GABRG2: variants seen among roughly 807,000 people sequenced by gnomAD.
GABRG2 encodes gamma-aminobutyric acid type A receptor subunit gamma2, also known as gamma-aminobutyric acid receptor subunit gamma-2.
In GABRG2, 16 loss-of-function variants were observed where a neutral mutation model predicts 56.4. That is an observed-to-expected ratio of 0.28 (90% CI 0.19 to 0.43). The LOEUF is 0.43. Among genes scored for constraint, GABRG2 ranks in the 20% least tolerant of loss-of-function variants. GABRG2 has a pLI of 1.00. For synonymous variants in GABRG2, 208 were observed against 205.5 expected (o/e 1.01, Z -0.10); for missense variants, 327 against 582.7 (o/e 0.56, Z 4.52).
chr5:162,092,773 A>C (rs547864482), intron 1 of GABRG2, among the ~76,000 whole-genome samples: 1 of 152,266 alleles, frequency 6.6e-6, no homozygotes, highest in African/African-American at 2.4e-5. Context: ...TAGAAAAATA[A>C]GGTAAAGATG....
At chr5:162,112,714 A>G (rs2113430359) in intron 6 of GABRG2, among the ~76,000 whole-genome samples, 1 of 152,316 alleles carries the variant, frequency 6.6e-6, no homozygotes, top group Non-Finnish European at 1.5e-5. Context: ...GTGTTGCACA[A>G]CATTCTAGAA....
chr5:162,115,751 G>T (rs1762570847), intron 6 of GABRG2, among the ~76,000 whole-genome samples: 1 of 152,068 alleles, frequency 6.6e-6, no homozygotes, highest in African/African-American at 2.4e-5. Context: ...CTATTATTTT[G>T]TTTTTAATAT....
intron 6 of GABRG2, among the ~76,000 whole-genome samples, chr5:162,130,248 A>C (rs1466966285): frequency 6.6e-6 from 1 of 151,978 alleles, no homozygotes; most frequent in Non-Finnish European, 1.5e-5. Context: ...TTGAGAATAA[A>C]GAGCAAGTAA....
intron 3 of GABRG2, 57 bp downstream of exon 3, chr5:162,095,619 T>C: frequency 2.4e-6 from 3 of 1,267,012 alleles, no homozygotes; most frequent in African/African-American, 1.5e-5. Flanking sequence ...AGAGAAAATG[T>C]GATGTCATGG....
chr5:162,133,097 G>C (rs1763871829), intron 6 of GABRG2, among the ~76,000 whole-genome samples: 1 of 151,808 alleles, frequency 6.6e-6, no homozygotes, highest in Non-Finnish European at 1.5e-5. Context: ...ACAAGCATAA[G>C]ATTGGCTACT....
At chr5:162,117,851 A>G (rs973790393) in intron 6 of GABRG2, among the ~76,000 whole-genome samples, 6 of 152,148 alleles carry the variant, frequency 3.9e-5, no homozygotes, top group African/African-American at 1.2e-4. Flanking sequence ...ATATGCACAG[A>G]TAAGTAGTGT....
intron 1 of GABRG2, among the ~76,000 whole-genome samples, chr5:162,068,742 C>A (rs979522219): frequency 1.3e-5 from 2 of 152,038 alleles, no homozygotes; most frequent in South Asian, 4.1e-4. Context: ...CCTGATAGAA[C>A]GTCTCTAAAT....
intron 7 of GABRG2, 98 bp from the exon 8 acceptor site, chr5:162,149,010 C>A: frequency 9.5e-7 from 1 of 1,055,808 alleles, no homozygotes; most frequent in Non-Finnish European, 1.5e-6. Context: ...GCTGAAACTG[C>A]CCATCAGAAG....
At chr5:162,138,984 A>G (rs539603995) in intron 6 of GABRG2, among the ~76,000 whole-genome samples, 24 of 152,210 alleles carry the variant, frequency 1.6e-4, no homozygotes, top group African/African-American at 3.6e-4. Flanking sequence ...TTTTAAAACT[A>G]TCGTATGGTT....
chr5:162,104,932 C>T (rs970178884), intron 6 of GABRG2, among the ~76,000 whole-genome samples: 3 of 152,048 alleles, frequency 2.0e-5, no homozygotes, highest in African/African-American at 4.8e-5. Flanking sequence ...TGCTTATATC[C>T]TCTATGTAGA....
intron 7 of GABRG2, among the ~76,000 whole-genome samples, chr5:162,148,712 T>TA (rs1418771828): frequency 6.6e-6 from 1 of 152,168 alleles, no homozygotes; most frequent in African/African-American, 2.4e-5. Flanking sequence ...TTCTTACATT[T>TA]TAAGCTTTAC....
rs192973258 is a variant in GABRG2, at chr5:162,153,716, A to G, written c.*348A>G. Reference sequence around the variant, plus strand: ...CTTACTAGATTCATAATGCAATTAGATAGAAAAGGTCCAAAACTGTACCCT... The same window carrying G: ...CTTACTAGATTCATAATGCAATTAGGTAGAAAAGGTCCAAAACTGTACCCT... On this transcript the variant is annotated 3_prime_UTR_variant, in exon 10 of 10. Coordinates refer to ENST00000639213, the MANE Select transcript of GABRG2 (RefSeq NM_198904.4). The G allele has an allele frequency of 3.3e-3, 1,193 of 357,822 alleles. 2 individuals carry two copies. The highest frequency in any genetic ancestry group is 5.2e-3 in the Non-Finnish European group (994 of 189,596). 22.2% of individuals were successfully genotyped at this position (357,822 alleles called of 1,614,324 possible). A position where few individuals can be genotyped will look rare whatever the true frequency, so the allele number is the denominator to read the frequency against.
At chr5:162,078,588 G>A (rs1369812439) in intron 1 of GABRG2, among the ~76,000 whole-genome samples, 2 of 150,438 alleles carry the variant, frequency 1.3e-5, no homozygotes, top group South Asian at 2.1e-4. Context: ...TACATTTTTA[G>A]TAGAGACGAG....
chr5:162,120,787 C>T (rs141048220), intron 6 of GABRG2, among the ~76,000 whole-genome samples: 1 of 152,218 alleles, frequency 6.6e-6, no homozygotes, highest in African/African-American at 2.4e-5. Context: ...CACTATATAA[C>T]TTTACAGGAC....
At chr5:162,114,483 G>A (rs1291524227) in intron 6 of GABRG2, among the ~76,000 whole-genome samples, 6 of 152,026 alleles carry the variant, frequency 3.9e-5, no homozygotes, top group African/African-American at 7.2e-5. Flanking sequence ...GTTGTGGTGA[G>A]CCGAGATAGC....
chr5:162,155,298 G>T lies in GABRG2; in HGVS notation c.*1930G>T, dbSNP rs1270490627. On this transcript the variant is annotated 3_prime_UTR_variant, in exon 10 of 10. Coordinates refer to ENST00000639213, the MANE Select transcript of GABRG2 (RefSeq NM_198904.4). ...GACTCTTTGGGAGAGTTGTTGGCAA[G>T]TTTCAATGGTGAGAAACATTATTGT... 1 of 152,480 alleles carries T rather than the reference G, an allele frequency of 6.6e-6. No individual in the cohort carries two copies. Among genetic ancestry groups the T allele is most frequent in the African/African-American group, 2.4e-5 (1 of 41,432 alleles). 9.4% of individuals were successfully genotyped at this position (152,480 alleles called of 1,614,324 possible). A position where few individuals can be genotyped will look rare whatever the true frequency, so the allele number is the denominator to read the frequency against.
intron 1 of GABRG2, among the ~76,000 whole-genome samples, chr5:162,073,411 T>A (rs1758830777): frequency 6.6e-6 from 1 of 151,910 alleles, no homozygotes; most frequent in Non-Finnish European, 1.5e-5. Flanking sequence ...TCCAGAAACT[T>A]AACTATAGCA....
At chr5:162,127,877 G>A (rs1043320425) in intron 6 of GABRG2, among the ~76,000 whole-genome samples, 3 of 152,028 alleles carry the variant, frequency 2.0e-5, no homozygotes, top group African/African-American at 7.2e-5. Flanking sequence ...CCAGAGTCAG[G>A]GTGTGAATCC....
chr5:162,077,101 GTGTGTGTGTGA>G (rs1470158310), intron 1 of GABRG2, among the ~76,000 whole-genome samples: 35 of 150,734 alleles, frequency 2.3e-4, no homozygotes, highest in African/African-American at 8.2e-4. Context: ...GTGTGTGTGT[GTGTGTGTGTGA>G]TGTTTCTATC....
Sources: allele counts gnomAD v4.1 joint callset (sites outside exome capture counted in the v4.1 genomes callset), GRCh38; gene constraint gnomAD v4.1.1; transcripts MANE v1.5; gene names NCBI Gene and HGNC (gene_info 2026-07-23, HGNC 2026-07-21).